The following RPS6KA5 variants were observed in gnomAD, a reference collection of about 807,000 sequenced individuals.
The protein encoded by RPS6KA5 is ribosomal protein S6 kinase alpha-5.
A neutral mutation model predicts 85.5 loss-of-function variants in RPS6KA5; 27 were observed. The ratio of observed to expected loss-of-function variants is 0.32; its 90% CI spans 0.23 to 0.44. The LOEUF (loss-of-function observed/expected upper bound fraction) is 0.44, where lower values mean the gene tolerates loss of function less well. Among genes scored for constraint, RPS6KA5 ranks in the 20% least tolerant of loss-of-function variants. RPS6KA5 has a pLI of 1.00. For missense variants in RPS6KA5, 811 were observed against 980.9 expected, an observed-to-expected ratio of 0.83 and a Z score of 2.31; for synonymous variants, 334 against 348.2, an observed-to-expected ratio of 0.96 and a Z score of 0.46.
intron 4 of RPS6KA5, among the ~76,000 whole-genome samples, chr14:90,945,676 A>C (rs1432936214): frequency 6.6e-6 from 1 of 152,136 alleles, no homozygotes; most frequent in African/African-American, 2.4e-5. Context: ...TCATTGTTTT[A>C]TTTACTTCTG....
rs1188245330 is a variant in RPS6KA5 at position 90,857,260 on chromosome 14, G to A, written c.*14814C>T. ...GACTATAATATTTTAACAGTGACAT[G>A]TGCCCAGATTATATTTTTATCTTGG... is the stretch of plus-strand genomic sequence containing the variant. On this transcript the variant is annotated 3_prime_UTR_variant, in exon 17 of 17. Transcript: ENST00000614987. 1 of 152,210 alleles carries A rather than the reference G, an allele frequency of 6.6e-6. No homozygotes were observed. Among genetic ancestry groups the A allele is most frequent in the Non-Finnish European group, 1.5e-5 (1 of 68,034 alleles). 9.4% of individuals were successfully genotyped at this position (152,210 alleles called of 1,614,324 possible).
chr14:90,994,335 G>GT (rs199946600), intron 2 of RPS6KA5, among the ~76,000 whole-genome samples: 506 of 146,768 alleles, frequency 3.4e-3, no homozygotes, highest in African/African-American at 0.012. Flanking sequence ...ACTTTGAATT[G>GT]TTTTTTTTTC....
At chr14:91,043,690 C>G (rs1039005353) in intron 1 of RPS6KA5, among the ~76,000 whole-genome samples, 2 of 152,216 alleles carry the variant, frequency 1.3e-5, no homozygotes, top group African/African-American at 4.8e-5. Flanking sequence ...AAAGGCATCT[C>G]AAACTTACTT....
chr14:90,903,528 G>C (rs1339924289), intron 8 of RPS6KA5, among the ~76,000 whole-genome samples: 1 of 152,176 alleles, frequency 6.6e-6, no homozygotes, highest in East Asian at 1.9e-4. Flanking sequence ...CCATCATATG[G>C]ATGTGATCAC....
chr14:91,052,890 T>C (rs1367440188), intron 1 of RPS6KA5, among the ~76,000 whole-genome samples: 2 of 150,324 alleles, frequency 1.3e-5, no homozygotes, highest in Non-Finnish European at 3.0e-5. Flanking sequence ...ATCAAGAATA[T>C]TTTGGGGAGA....
rs1384544960 is a variant in RPS6KA5, at chr14:90,868,281, A to G, written c.*3793T>C. On this transcript the variant is annotated 3_prime_UTR_variant, in exon 17 of 17. Coordinates refer to ENST00000614987, the MANE Select transcript of RPS6KA5 (RefSeq NM_004755.4). The stretch of plus-strand genomic sequence containing the variant: ...TTACAATGTCTCCTATCCAAACTTC[A>G]AATTTCATTAGAGCCGGCTACATTT... The G allele has an allele frequency of 1.3e-5, 2 of 152,132 alleles. No individual in the cohort carries two copies. The highest frequency in any genetic ancestry group is 3.8e-4 in the East Asian group (2 of 5,200). 9.4% of individuals were successfully genotyped at this position (152,132 alleles called of 1,614,324 possible).
intron 2 of RPS6KA5, among the ~76,000 whole-genome samples, chr14:90,987,435 T>C (rs931480233): frequency 3.3e-5 from 5 of 152,076 alleles, no homozygotes; most frequent in African/African-American, 1.2e-4. Flanking sequence ...AAATTACCCA[T>C]GAGAAACAAG....
chr14:90,911,133 T>C (rs1055076142), intron 7 of RPS6KA5, among the ~76,000 whole-genome samples: 5 of 151,428 alleles, frequency 3.3e-5, no homozygotes, highest in African/African-American at 9.8e-5. Context: ...TATGTTTATT[T>C]GTCTATTATT....
At chr14:90,939,632 G>T (rs927313765) in intron 5 of RPS6KA5, among the ~76,000 whole-genome samples, 1 of 152,198 alleles carries the variant, frequency 6.6e-6, no homozygotes, top group African/African-American at 2.4e-5. Flanking sequence ...AAGAGAGAGA[G>T]AACTTGTTGC....
intron 1 of RPS6KA5, among the ~76,000 whole-genome samples, chr14:91,035,649 A>T (rs1431585744): frequency 1.3e-5 from 2 of 151,910 alleles, no homozygotes; most frequent in Non-Finnish European, 2.9e-5. Flanking sequence ...GAAATGAAGG[A>T]GAAACAAGAT....
Position 90,872,231 on chromosome 14 carries a change from G to A in RPS6KA5, c.2252C>T (p.Thr751Ile). The change falls in exon 17 of 17, where the codon ACC becomes ATC. Residue 751 changes from threonine (T) to isoleucine (I), a missense_variant. Transcript: ENST00000614987. The stretch of plus-strand genomic sequence containing the variant: ...GGAACTGCTGCGCGTCTCGGTACTG[G>A]TGCTAGTCTTTTTCATTTTTCTTCT... ...AKRRKMKKTS[T>I]STETRSSSSE... 6.2e-7 allele frequency: 1 copy of A among 1,614,042 alleles called. No homozygotes were observed. The highest frequency in any genetic ancestry group is 8.5e-7 in the Non-Finnish European group (1 of 1,180,020).
intron 2 of RPS6KA5, among the ~76,000 whole-genome samples, chr14:90,998,136 T>C (rs2040612035): frequency 1.3e-5 from 2 of 152,170 alleles, no homozygotes; most frequent in Admixed American, 1.3e-4. Context: ...TTTACCTTTA[T>C]ATGAAATGCC....
chr14:90,896,634 G>C (rs906588542), intron 12 of RPS6KA5, among the ~76,000 whole-genome samples: 1 of 152,144 alleles, frequency 6.6e-6, no homozygotes, highest in Non-Finnish European at 1.5e-5. Flanking sequence ...GGAAATGTTG[G>C]GGGGTGTCTA....
intron 5 of RPS6KA5, among the ~76,000 whole-genome samples, chr14:90,940,511 TTTTA>T (rs1461800541): frequency 1.3e-5 from 2 of 152,176 alleles, no homozygotes; most frequent in Non-Finnish European, 2.9e-5. Context: ...CAACTTTGAT[TTTTA>T]TTTGTTTGTT....
At chr14:91,015,530 T>C (rs773582463) in intron 1 of RPS6KA5, among the ~76,000 whole-genome samples, 45 of 152,242 alleles carry the variant, frequency 3.0e-4, no homozygotes, top group Non-Finnish European at 6.0e-4. Flanking sequence ...AGATTTCAAT[T>C]TGATGTAAGA....
rs375426120 is a variant in RPS6KA5, at chr14:91,050,541, G to A, written c.103+9791C>T. Among the ~76,000 whole-genome samples, 9 of 152,198 alleles carry A rather than the reference G, an allele frequency of 5.9e-5. 1 individual carries two copies. In the South Asian group the frequency reaches 1.0e-3, roughly 18 times the overall value. Reference sequence around the variant, plus strand: ...CCTCCCAGGTTCAAGCAATTCTCTTGCCTAAGCCTCCCAAGTAGCTGGGAT... The same window carrying A: ...CCTCCCAGGTTCAAGCAATTCTCTTACCTAAGCCTCCCAAGTAGCTGGGAT... On this transcript the variant is annotated intron_variant, in intron 1 of 16. Coordinates refer to ENST00000614987, the MANE Select transcript of RPS6KA5 (RefSeq NM_004755.4).
intron 2 of RPS6KA5, among the ~76,000 whole-genome samples, chr14:90,990,761 A>C (rs1164470884): frequency 6.6e-6 from 1 of 152,140 alleles, no homozygotes; most frequent in Admixed American, 6.5e-5. Context: ...GCTGGAGACC[A>C]TTTTCCTAAG....
chr14:90,890,222 G>C (rs1286251), intron 14 of RPS6KA5, among the ~76,000 whole-genome samples: 1 of 152,208 alleles, frequency 6.6e-6, no homozygotes, highest in Non-Finnish European at 1.5e-5. Context: ...AAAAATATAT[G>C]CTATAGTTCC....
At chr14:90,929,202 A>G (rs1183487210) in intron 5 of RPS6KA5, among the ~76,000 whole-genome samples, 4 of 152,144 alleles carry the variant, frequency 2.6e-5, no homozygotes, top group Admixed American at 2.6e-4. Context: ...CTTTAATGTA[A>G]AAAATACATA....
Sources: allele counts gnomAD v4.1 joint callset (sites outside exome capture counted in the v4.1 genomes callset), GRCh38; gene constraint gnomAD v4.1.1; transcripts MANE v1.5; gene names NCBI Gene and HGNC (gene_info 2026-07-23, HGNC 2026-07-21).